The following SELENOT variants were observed in gnomAD, a reference collection of about 807,000 sequenced individuals.
SELENOT encodes thioredoxin reductase-like selenoprotein T.
In SELENOT, 9 loss-of-function variants were observed where a neutral mutation model predicts 24.3. The observed-to-expected ratio is 0.37, with a 90% CI of 0.22 to 0.65. The LOEUF is 0.65. Ranked by LOEUF, SELENOT falls within the 30% of genes least tolerant of loss-of-function variation. SELENOT has a pLI of 0.60. For missense variants in SELENOT, 166 were observed against 247.6 expected (o/e 0.67, Z 2.21); for synonymous variants, 81 against 86.0 (o/e 0.94, Z 0.32).
In SELENOT at chr3:150,624,796, T is replaced by C. The variant is rs1576534874; in HGVS notation, c.376-16T>C. 1.1e-5 allele frequency: 17 copies of C among 1,493,636 alleles called. No homozygotes were observed. The East Asian group carries it at 4.2e-4, about 37-fold the overall frequency. 92.5% of individuals were successfully genotyped at this position (1,493,636 alleles called of 1,614,324 possible). On this transcript the variant is annotated splice_polypyrimidine_tract_variant and intron_variant, in intron 3 of 5. Coordinates refer to ENST00000471696, the MANE Select transcript of SELENOT (RefSeq NM_016275.5). Reference sequence around the variant, plus strand: ...ACATGACTTTGCCTGTTGTGCTTAATTATATTTTCTTTTAGGTTTATGCAT... The same window carrying C: ...ACATGACTTTGCCTGTTGTGCTTAACTATATTTTCTTTTAGGTTTATGCAT...
intron 1 of SELENOT, among the ~76,000 whole-genome samples, chr3:150,621,646 G>GCAT (rs1014520514): frequency 1.7e-5 from 2 of 120,382 alleles, no homozygotes; most frequent in Non-Finnish European, 3.3e-5. Context: ...TGCTGGGGCA[G>GCAT]CATCTATCTG....
At chr3:150,606,947 A>T (rs1725979035) in intron 1 of SELENOT, among the ~76,000 whole-genome samples, 1 of 152,120 alleles carries the variant, frequency 6.6e-6, no homozygotes, top group Non-Finnish European at 1.5e-5. Flanking sequence ...TTGTATTGAT[A>T]GTTACTCTTA....
intron 1 of SELENOT, chr3:150,611,681 T>TCA: frequency 1.1e-5 from 17 of 1,602,498 alleles, no homozygotes; most frequent in Non-Finnish European, 1.5e-5. Flanking sequence ...CGTTGCCTGC[T>TCA]GCCCGACCGC....
At chr3:150,611,439 G>A in intron 1 of SELENOT, 1 of 1,258,768 alleles carries the variant, frequency 7.9e-7, no homozygotes, top group Admixed American at 1.7e-5. Flanking sequence ...AGTGTCTTTT[G>A]TATCTCCTAA....
intron 1 of SELENOT, among the ~76,000 whole-genome samples, chr3:150,618,403 TTG>T (rs1474449708): frequency 1.3e-5 from 2 of 152,208 alleles, no homozygotes; most frequent in African/African-American, 4.8e-5. Flanking sequence ...CTTGTTCATG[TTG>T]TCTTTTAATG....
chr3:150,613,782 A>G (rs566792550), intron 1 of SELENOT, among the ~76,000 whole-genome samples: 63 of 151,208 alleles, frequency 4.2e-4, no homozygotes, highest in Middle Eastern at 3.4e-3. Flanking sequence ...GATTCTCAAC[A>G]CATGGTGTGT....
At chr3:150,608,737 A>G (rs1726024386) in intron 1 of SELENOT, among the ~76,000 whole-genome samples, 1 of 152,226 alleles carries the variant, frequency 6.6e-6, no homozygotes, top group African/African-American at 2.4e-5. Flanking sequence ...TTAAAAAAAT[A>G]GCTGCAGCAT....
At chr3:150,613,969 G>T (rs954597818) in intron 1 of SELENOT, among the ~76,000 whole-genome samples, 5 of 149,208 alleles carry the variant, frequency 3.4e-5, no homozygotes, top group African/African-American at 1.2e-4. Flanking sequence ...GCACATGCAG[G>T]AGAAAGCACA....
intron 1 of SELENOT, among the ~76,000 whole-genome samples, chr3:150,606,920 T>C (rs1047627889): frequency 1.3e-5 from 2 of 152,170 alleles, no homozygotes; most frequent in Non-Finnish European, 2.9e-5. Context: ...GTTTTCCTTT[T>C]ATTGATTTTT....
At chr3:150,608,781 C>T (rs1399425897) in intron 1 of SELENOT, among the ~76,000 whole-genome samples, 3 of 151,988 alleles carry the variant, frequency 2.0e-5, no homozygotes, top group African/African-American at 7.2e-5. Context: ...TAGTTGTTTC[C>T]ACTTAATAAT....
At chr3:150,609,911 G>A (rs1726052629) in intron 1 of SELENOT, among the ~76,000 whole-genome samples, 1 of 152,176 alleles carries the variant, frequency 6.6e-6, no homozygotes. Context: ...TAAAGTGTCA[G>A]TGTTTGGTAT....
intron 1 of SELENOT, among the ~76,000 whole-genome samples, chr3:150,612,738 A>G (rs887939246): frequency 4.6e-5 from 7 of 152,178 alleles, no homozygotes; most frequent in Non-Finnish European, 1.0e-4. Context: ...TGGTAAGCCT[A>G]TTTTATCCAT....
chr3:150,604,425 C>A (rs1011278888), intron 1 of SELENOT, among the ~76,000 whole-genome samples: 1 of 152,128 alleles, frequency 6.6e-6, no homozygotes, highest in African/African-American at 2.4e-5. Context: ...TCTTACACCT[C>A]CAAAGATGAC....
rs1193366878 is a variant in SELENOT, at chr3:150,622,467, G to C, written c.220G>C (p.Glu74Gln). Residue 74 changes from glutamate (E) to glutamine (Q), a missense_variant, in exon 2 of 6, where the codon GAG (glutamate) becomes CAG (glutamine). This residue lies in a region of SELENOT where 71 missense variants were observed against 89.2 expected (regional missense o/e 0.80). Transcript: ENST00000471696. ...GTACCCAGACATCCGCATTGAAGGA[G>C]AGAATTACCTCCCTCAACCAATATA... is the stretch of plus-strand genomic sequence containing the variant. Reference protein sequence around the residue: ...QRYPDIRIEGENYLPQPIYRH... With the variant: ...QRYPDIRIEGQNYLPQPIYRH... 2.7e-6 allele frequency: 4 copies of C among 1,500,222 alleles called. No homozygotes were observed. The Admixed American group carries it at 8.4e-5, about 32-fold the overall frequency. 92.9% of individuals were successfully genotyped at this position (1,500,222 alleles called of 1,614,324 possible).
intron 4 of SELENOT, 22 bp from the exon 5 acceptor site, chr3:150,626,988 G>A (rs1553749838): frequency 2.5e-6 from 4 of 1,603,164 alleles, no homozygotes; most frequent in East Asian, 4.5e-5. Flanking sequence ...TTTTTGGGGG[G>A]CGGTGCCATT....
chr3:150,609,214 G>A (rs931163311), intron 1 of SELENOT, among the ~76,000 whole-genome samples: 6 of 152,122 alleles, frequency 3.9e-5, no homozygotes, highest in Non-Finnish European at 5.9e-5. Flanking sequence ...AATACACTGC[G>A]CCATCAGTAA....
At chr3:150,620,417 A>G (rs1275950879) in intron 1 of SELENOT, among the ~76,000 whole-genome samples, 1 of 152,208 alleles carries the variant, frequency 6.6e-6, no homozygotes, top group African/African-American at 2.4e-5. Flanking sequence ...GAAAGGGCCT[A>G]GGACCCCAAA....
chr3:150,607,888 A>G (rs1051277469), intron 1 of SELENOT, among the ~76,000 whole-genome samples: 1 of 152,208 alleles, frequency 6.6e-6, no homozygotes, highest in Non-Finnish European at 1.5e-5. Context: ...TGTGGAAAAG[A>G]CATTCCAGGA....
intron 1 of SELENOT, among the ~76,000 whole-genome samples, chr3:150,621,683 G>C (rs1413657380): frequency 7.4e-6 from 1 of 135,046 alleles, no homozygotes; most frequent in South Asian, 2.5e-4. Flanking sequence ...AGACTTTAGA[G>C]ACTTTAATCT....
Sources: allele counts gnomAD v4.1 joint callset (sites outside exome capture counted in the v4.1 genomes callset), GRCh38; gene constraint gnomAD v4.1.1; regional missense constraint gnomAD v4.1.1; transcripts MANE v1.5; gene names NCBI Gene and HGNC (gene_info 2026-07-23, HGNC 2026-07-21).